The following IQGAP2 variants were observed in gnomAD, a reference collection of about 807,000 sequenced individuals.
The protein encoded by IQGAP2 is IQ motif containing GTPase activating protein 2.
Under a neutral mutation model 201.3 loss-of-function variants are expected in IQGAP2, and 173 were observed. That is an observed-to-expected ratio of 0.86 (90% CI 0.76 to 0.98). The LOEUF (loss-of-function observed/expected upper bound fraction) is 0.98. IQGAP2 is among the 50% of genes least tolerant of loss of function. IQGAP2 has a pLI of 0.00. For missense variants in IQGAP2, 1,687 were observed against 1,864.8 expected, an observed-to-expected ratio of 0.90 and a Z score of 1.76; for synonymous variants, 675 against 673.9, an observed-to-expected ratio of 1.00 and a Z score of -0.03.
chr5:76,649,568 T>A (rs2431366), intron 17 of IQGAP2, among the ~76,000 whole-genome samples: 76,470 of 152,078 alleles, frequency 0.5, 19,670 homozygotes, highest in Non-Finnish European at 0.56. Context: ...TGAAGTGCTG[T>A]TGTGGCTCTG....
At chr5:76,429,389 G>A (rs910005029) in intron 1 of IQGAP2, among the ~76,000 whole-genome samples, 5 of 151,232 alleles carry the variant, frequency 3.3e-5, no homozygotes, top group African/African-American at 9.7e-5. Context: ...TGGCTAACAC[G>A]GTGAAACCCC....
At chr5:76,501,657 T>TTTTTTTTTTC (rs1554062080) in intron 2 of IQGAP2, among the ~76,000 whole-genome samples, 17 of 146,860 alleles carry the variant, frequency 1.2e-4, no homozygotes, top group African/African-American at 4.3e-4. Flanking sequence ...TTTTTTTTTT[T>TTTTTTTTTTC]CCTTGAGACA....
intron 23 of IQGAP2, among the ~76,000 whole-genome samples, chr5:76,670,634 T>A (rs1309803480): frequency 2.6e-5 from 4 of 151,826 alleles, no homozygotes; most frequent in Non-Finnish European, 5.9e-5. Context: ...AGGGGAAGGA[T>A]GTGGAAGAGG....
chr5:76,435,477 AT>A (rs1441810529), intron 1 of IQGAP2, among the ~76,000 whole-genome samples: 2 of 151,910 alleles, frequency 1.3e-5, no homozygotes, highest in African/African-American at 4.8e-5. Context: ...ATGTTTTTGT[AT>A]GTTTTGTCAA....
intron 33 of IQGAP2, among the ~76,000 whole-genome samples, chr5:76,700,612 A>G (rs1747292454): frequency 6.6e-6 from 1 of 152,230 alleles, no homozygotes; most frequent in Non-Finnish European, 1.5e-5. Flanking sequence ...TTAGTTTAAA[A>G]GTACTATGGA....
At chr5:76,545,188 C>T (rs1425040698) in intron 2 of IQGAP2, among the ~76,000 whole-genome samples, 1 of 152,132 alleles carries the variant, frequency 6.6e-6, no homozygotes, top group Non-Finnish European at 1.5e-5. Context: ...TGATTTCCTG[C>T]AGCCTTTCAA....
intron 2 of IQGAP2, among the ~76,000 whole-genome samples, chr5:76,531,827 T>C (rs910401373): frequency 6.6e-6 from 1 of 152,214 alleles, no homozygotes; most frequent in Non-Finnish European, 1.5e-5. Context: ...TAACAAAATG[T>C]CATAAACTGG....
intron 2 of IQGAP2, among the ~76,000 whole-genome samples, chr5:76,517,828 T>G (rs1442194918): frequency 1.3e-5 from 2 of 152,106 alleles, no homozygotes; most frequent in Admixed American, 1.3e-4. Context: ...AAAGCACCTA[T>G]TTTAGAGTAG....
chr5:76,607,399 G>A (rs977540810), intron 12 of IQGAP2: 3 of 152,158 alleles, frequency 2.0e-5, no homozygotes, highest in African/African-American at 7.2e-5. Context: ...GGATCCAGGT[G>A]TGCTACCCTA....
chr5:76,625,269 T>C (rs1333302840), intron 13 of IQGAP2, among the ~76,000 whole-genome samples: 2 of 152,176 alleles, frequency 1.3e-5, no homozygotes. Context: ...CTCATCTGGG[T>C]AGAAATCTGT....
chr5:76,610,329 A>C (rs1748270711), intron 12 of IQGAP2, among the ~76,000 whole-genome samples: 1 of 150,700 alleles, frequency 6.6e-6, no homozygotes, highest in Non-Finnish European at 1.5e-5. Context: ...AACACATGAA[A>C]AGATGCTCAA....
At chr5:76,486,793 GT>G (rs1756170594) in intron 2 of IQGAP2, among the ~76,000 whole-genome samples, 1 of 151,976 alleles carries the variant, frequency 6.6e-6, no homozygotes, top group Non-Finnish European at 1.5e-5. Flanking sequence ...GTTTTGTTTT[GT>G]TTGACACTGT....
chr5:76,555,072 ATT>A (rs1743843986), intron 2 of IQGAP2, among the ~76,000 whole-genome samples: 1 of 152,220 alleles, frequency 6.6e-6, no homozygotes, highest in South Asian at 2.1e-4. Context: ...GTATGAGTCT[ATT>A]TATATTTACA....
At position 76,654,915 on chromosome 5, in the gene IQGAP2, T is replaced by G. The variant is rs1752791672; in HGVS notation, c.2251-19T>G. ...AGGTGGGACTCTGGGAGATCAAGAC[T>G]TGTCTTAATCTTTTGCAGAATAATG... On this transcript the variant is annotated intron_variant, in intron 19 of 35. Transcript: ENST00000274364. 6.4e-7 allele frequency: 1 copy of G among 1,562,388 alleles called. No homozygotes were observed. Among genetic ancestry groups the G allele is most frequent in the South Asian group, 1.1e-5 (1 of 89,514 alleles).
chr5:76,558,689 T>C (rs1744115605), intron 2 of IQGAP2, among the ~76,000 whole-genome samples: 1 of 152,226 alleles, frequency 6.6e-6, no homozygotes. Context: ...TTCTTCCAGT[T>C]TCACAGCCGT....
chr5:76,692,739 T>C (rs1166697935), intron 30 of IQGAP2, among the ~76,000 whole-genome samples: 1 of 152,206 alleles, frequency 6.6e-6, no homozygotes, highest in Non-Finnish European at 1.5e-5. Flanking sequence ...TAGGTTTCTT[T>C]GTTAACCCTA....
chr5:76,578,803 A>G (rs1745641337), intron 5 of IQGAP2, among the ~76,000 whole-genome samples: 1 of 151,910 alleles, frequency 6.6e-6, no homozygotes, highest in Admixed American at 6.6e-5. Flanking sequence ...TATACTGCGT[A>G]TGGCATGTTT....
At chr5:76,621,808 A>G (rs2069656) in intron 13 of IQGAP2, among the ~76,000 whole-genome samples, 99,410 of 152,028 alleles carry the variant, frequency 0.65, 33,906 homozygotes, top group Non-Finnish European at 0.77. Flanking sequence ...AATTCTTTAT[A>G]GAGGCTTCCA....
intron 11 of IQGAP2, among the ~76,000 whole-genome samples, chr5:76,605,252 A>G (rs1166799121): frequency 6.6e-6 from 1 of 152,232 alleles, no homozygotes; most frequent in African/African-American, 2.4e-5. Context: ...TTCCCCAGGC[A>G]GAAAAAAAGT....
Sources: gnomAD v4.1 joint callset for allele counts (sites outside exome capture counted in the v4.1 genomes callset) on GRCh38, gnomAD v4.1.1 for gene constraint, MANE v1.5 for transcripts, NCBI Gene and HGNC (gene_info 2026-07-23, HGNC 2026-07-21) for gene names.